The following PCDHA8 variants were observed in gnomAD, a reference collection of about 807,000 sequenced individuals.
PCDHA8 encodes the protein protocadherin alpha 8, also known as protocadherin alpha-8.
Under a neutral mutation model 61.8 loss-of-function variants are expected in PCDHA8, and 53 were observed. The ratio of observed to expected loss-of-function variants is 0.86; its 90% CI spans 0.69 to 1.08. The LOEUF is 1.08. PCDHA8 is among the 50% of genes least tolerant of loss of function. The pLI is 0.00. For synonymous variants in PCDHA8, 618 were observed against 556.6 expected (o/e 1.11, Z -1.55); for missense variants, 1,293 against 1,245.0 (o/e 1.04, Z -0.58).
rs782455331 is a variant in PCDHA8 at position 140,842,698 on chromosome 5, G to A, written c.1377G>A (p.Glu459=). The change falls in exon 1 of 4, where the codon GAG becomes GAA. Residue 459 remains glutamate, a synonymous_variant. Transcript: ENST00000531613. The stretch of plus-strand genomic sequence containing the variant: ...ATGCTCCGGCGTTCGCGCAGCCCGA[G>A]TACACGGTGTTCGTGAAGGAGAACA... ...NDNAPAFAQP[E]YTVFVKENNP... 6.3e-7 allele frequency: 1 copy of A among 1,595,366 alleles called. No individual in the cohort carries two copies. Among genetic ancestry groups the A allele is most frequent in the South Asian group, 1.1e-5 (1 of 90,490 alleles).
At chr5:140,856,349 T>C in intron 1 of PCDHA8, 1 of 1,598,368 alleles carries the variant, frequency 6.3e-7, no homozygotes, top group Non-Finnish European at 8.6e-7. Flanking sequence ...GAGCGTGGAG[T>C]GCAGCATCCA....
At chr5:140,949,721 A>G (rs1466646683) in intron 1 of PCDHA8, among the ~76,000 whole-genome samples, 1 of 151,690 alleles carries the variant, frequency 6.6e-6, no homozygotes, top group East Asian at 1.9e-4. Context: ...CATTTTGATA[A>G]TATCTGCTTT....
At chr5:140,968,231 T>A in intron 1 of PCDHA8, 1 of 1,614,032 alleles carries the variant, frequency 6.2e-7, no homozygotes. Context: ...TGTGTTGCTC[T>A]GTACTGTGCA....
At chr5:140,931,235 C>T (rs1563126725) in intron 1 of PCDHA8, among the ~76,000 whole-genome samples, 1 of 152,116 alleles carries the variant, frequency 6.6e-6, no homozygotes, top group Non-Finnish European at 1.5e-5. Flanking sequence ...AATATGTGAA[C>T]ACTTTTCCTA....
Position 140,842,608 on chromosome 5 carries a change from C to CG in PCDHA8, c.1292dup (p.Ser432LeufsTer129), listed in dbSNP as rs1340734954. 5 of 1,557,100 alleles carry CG rather than the reference C, an allele frequency of 3.2e-6. 2 individuals carry two copies. In the African/African-American group the frequency reaches 7.2e-5, roughly 22 times the overall value. The stretch of plus-strand genomic sequence containing the variant: ...ATGAGTTGGTGGTAACCGCGCGGGA[C>CG]GGGGGCTCGCCTTCGCTGTGGGCCA... On this transcript the variant is annotated frameshift_variant, in exon 1 of 4. Coordinates refer to ENST00000531613, the MANE Select transcript of PCDHA8 (RefSeq NM_018911.3). LOFTEE classifies it high-confidence loss of function.
intron 1 of PCDHA8, among the ~76,000 whole-genome samples, chr5:140,906,717 T>G (rs566025860): frequency 6.6e-6 from 1 of 152,320 alleles, no homozygotes; most frequent in African/African-American, 2.4e-5. Context: ...CTGCCTGGAT[T>G]GTGCTGTTGT....
At chr5:140,918,970 T>C (rs1217884686) in intron 1 of PCDHA8, among the ~76,000 whole-genome samples, 1 of 152,220 alleles carries the variant, frequency 6.6e-6, no homozygotes, top group Non-Finnish European at 1.5e-5. Flanking sequence ...CAGATATCGT[T>C]TAGGTTAGTT....
intron 1 of PCDHA8, chr5:140,930,291 C>G (rs529065220): frequency 2.0e-5 from 3 of 152,094 alleles, no homozygotes; most frequent in Non-Finnish European, 4.4e-5. Flanking sequence ...ATACACTTAA[C>G]AAATAAGTAA....
rs782065777 is a variant in PCDHA8, at chr5:140,876,365, A to G, written c.2394+32650A>G. Reference sequence around the variant, plus strand: ...AAATGTATGTTTTCAATAAATCCAGACACAGGTGAAATTAGAATTTATGGT... The same window carrying G: ...AAATGTATGTTTTCAATAAATCCAGGCACAGGTGAAATTAGAATTTATGGT... On this transcript the variant is annotated intron_variant, in intron 1 of 3. Coordinates refer to ENST00000531613, the MANE Select transcript of PCDHA8 (RefSeq NM_018911.3). 60 of 1,613,862 alleles carry G rather than the reference A, an allele frequency of 3.7e-5. 2 individuals carry two copies. In the South Asian group the frequency reaches 6.5e-4, roughly 17 times the overall value.
chr5:140,912,533 A>G (rs570012858), intron 1 of PCDHA8, among the ~76,000 whole-genome samples: 1 of 152,224 alleles, frequency 6.6e-6, no homozygotes, highest in African/African-American at 2.4e-5. Flanking sequence ...AGAGTACATG[A>G]TCATATTGTC....
chr5:140,943,257 C>CAA lies in PCDHA8; in HGVS notation c.2395-35673_2395-35672dup, dbSNP rs1238620023. Reference sequence around the variant, plus strand: ...TGGGTCACAGAGTGAGACTCTGTCTCAAAAAAAAAAAAAAAAAAAAGAAAG... The same window carrying CAA: ...TGGGTCACAGAGTGAGACTCTGTCTCAAAAAAAAAAAAAAAAAAAAAAGAAAG... On this transcript the variant is annotated intron_variant, in intron 1 of 3. Transcript: ENST00000531613. Among the ~76,000 whole-genome samples the CAA allele has an allele frequency of 2.6e-3, 203 of 77,270 alleles. 1 individual carries two copies. Among genetic ancestry groups the CAA allele is most frequent in the African/African-American group, 9.8e-3 (185 of 18,826 alleles). The allele number at this position is 77,270 out of a possible 152,430, so 50.7% of individuals were successfully genotyped here. A position where few individuals can be genotyped will look rare whatever the true frequency, so the allele number is the denominator to read the frequency against.
Position 140,852,727 on chromosome 5 carries a change from G to A in PCDHA8, c.2394+9012G>A, listed in dbSNP as rs1395858951. 8.1e-6 allele frequency: 8 copies of A among 983,412 alleles called. 1 individual carries two copies. The South Asian group carries it at 2.9e-4, about 35-fold the overall frequency. The allele number at this position is 983,412 out of a possible 1,614,324, so 60.9% of individuals were successfully genotyped here. The stretch of plus-strand genomic sequence containing the variant: ...ATCTTTGTCTTTGCACGTTTTTCAA[G>A]TTTCATGTGCCATTTAAACTTGGAC... On this transcript the variant is annotated intron_variant, in intron 1 of 3. Transcript: ENST00000531613.
intron 1 of PCDHA8, among the ~76,000 whole-genome samples, chr5:140,925,065 G>C (rs782540022): frequency 2.0e-5 from 3 of 151,188 alleles, no homozygotes; most frequent in Non-Finnish European, 4.4e-5. Flanking sequence ...GGGCAACAAA[G>C]CAACACGCTC....
chr5:140,959,834 G>A (rs1223310946), intron 1 of PCDHA8, among the ~76,000 whole-genome samples: 1 of 152,144 alleles, frequency 6.6e-6, no homozygotes, highest in African/African-American at 2.4e-5. Context: ...AATGTATTAT[G>A]CCTGTAACTG....
At chr5:141,000,361 GTC>G (rs148596731) in intron 3 of PCDHA8, among the ~76,000 whole-genome samples, 577 of 26,370 alleles carry the variant, frequency 0.022, 17 homozygotes, top group Admixed American at 0.027. Context: ...GTCTCTCTCT[GTC>G]TCTCTCTCTC....
intron 3 of PCDHA8, among the ~76,000 whole-genome samples, chr5:141,004,676 G>C (rs1198896698): frequency 6.6e-6 from 1 of 152,168 alleles, no homozygotes; most frequent in Non-Finnish European, 1.5e-5. Context: ...AAGGACTGTG[G>C]AGTGGTGCTG....
At chr5:140,920,636 G>C (rs1477753704) in intron 1 of PCDHA8, among the ~76,000 whole-genome samples, 1 of 152,096 alleles carries the variant, frequency 6.6e-6, no homozygotes, top group Non-Finnish European at 1.5e-5. Context: ...ACAAGGTCAA[G>C]AGATTGAGAC....
intron 1 of PCDHA8, among the ~76,000 whole-genome samples, chr5:140,906,751 G>C (rs782384757): frequency 1.3e-5 from 2 of 152,166 alleles, no homozygotes; most frequent in African/African-American, 2.4e-5. Context: ...CACAGGGCAT[G>C]GTAATACTAA....
chr5:140,996,453 C>A (rs1289648745), intron 3 of PCDHA8, among the ~76,000 whole-genome samples: 2 of 152,160 alleles, frequency 1.3e-5, no homozygotes, highest in African/African-American at 4.8e-5. Flanking sequence ...AGTTGTGGTG[C>A]TAAGGGAGGA....
Sources: gnomAD v4.1 joint callset for allele counts (sites outside exome capture counted in the v4.1 genomes callset) on GRCh38, gnomAD v4.1.1 for gene constraint, MANE v1.5 for transcripts, NCBI Gene and HGNC (gene_info 2026-07-23, HGNC 2026-07-21) for gene names.